The following PRR16 variants were observed in gnomAD, a reference collection of about 807,000 sequenced individuals.
PRR16 encodes proline rich 16.
Under a neutral mutation model 18.2 loss-of-function variants are expected in PRR16, and 6 were observed. That is an observed-to-expected ratio of 0.33 (90% CI 0.18 to 0.65). The LOEUF (loss-of-function observed/expected upper bound fraction) is 0.65. Ranked by LOEUF, PRR16 falls within the 30% of genes least tolerant of loss-of-function variation. The pLI is 0.74. For missense variants in PRR16, 412 were observed against 376.6 expected (o/e 1.09, Z -0.78); for synonymous variants, 151 against 147.8 (o/e 1.02, Z -0.16).
intron 1 of PRR16, among the ~76,000 whole-genome samples, chr5:120,581,485 A>T (rs1366404028): frequency 6.6e-6 from 1 of 151,874 alleles, no homozygotes; most frequent in Non-Finnish European, 1.5e-5. Context: ...GGATTCGTTG[A>T]TTTTTTGGAG....
chr5:120,722,972 A>T, the PRR16 span, among the ~76,000 whole-genome samples: 4 of 151,576 alleles, frequency 2.6e-5, no homozygotes, highest in Admixed American at 6.6e-5. Flanking sequence ...ATATATAATA[A>T]GCTATAAACT....
chr5:120,502,205 G>A lies in PRR16; in HGVS notation c.159+37560G>A, dbSNP rs1045031582. The stretch of plus-strand genomic sequence containing the variant: ...GAAGCATAGAAAATTTTAAATAAAA[G>A]AGTATACATCAGAATATCCATAACA... On this transcript the variant is annotated intron_variant, in intron 1 of 1. Transcript: ENST00000407149. Among the ~76,000 whole-genome samples, 26 of 151,014 alleles carry A rather than the reference G, an allele frequency of 1.7e-4. 1 individual carries two copies. The highest frequency in any genetic ancestry group is 2.5e-4 in the Non-Finnish European group (17 of 67,738).
intron 1 of PRR16, among the ~76,000 whole-genome samples, chr5:120,659,116 T>C (rs1756088963): frequency 1.3e-5 from 2 of 152,114 alleles, no homozygotes; most frequent in South Asian, 2.1e-4. Flanking sequence ...AAAGGGTTCA[T>C]TGGATGTACA....
chr5:120,526,409 C>A (rs750670041), intron 1 of PRR16, among the ~76,000 whole-genome samples: 6 of 152,090 alleles, frequency 3.9e-5, no homozygotes, highest in Non-Finnish European at 8.8e-5. Context: ...CATGCCATTT[C>A]TTTCTCTTTC....
intron 1 of PRR16, among the ~76,000 whole-genome samples, chr5:120,552,754 G>A (rs1449749378): frequency 6.6e-6 from 1 of 151,850 alleles, no homozygotes; most frequent in Non-Finnish European, 1.5e-5. Flanking sequence ...TTACGGTAAT[G>A]AAAATTTTGC....
chr5:120,598,072 GA>G (rs1753869345), intron 1 of PRR16, among the ~76,000 whole-genome samples: 1 of 151,822 alleles, frequency 6.6e-6, no homozygotes, highest in Non-Finnish European at 1.5e-5. Context: ...TGTCCATGAA[GA>G]TCTACCTCAT....
chr5:120,644,368 G>A (rs1472454054), intron 1 of PRR16, among the ~76,000 whole-genome samples: 1 of 152,052 alleles, frequency 6.6e-6, no homozygotes, highest in African/African-American at 2.4e-5. Context: ...AAATGCCCAA[G>A]TATGTTAAGA....
intron 1 of PRR16, among the ~76,000 whole-genome samples, chr5:120,538,946 G>T (rs890958487): frequency 6.6e-6 from 1 of 152,134 alleles, no homozygotes; most frequent in African/African-American, 2.4e-5. Flanking sequence ...GTGAAAAAAT[G>T]AGTGAAGTAA....
chr5:120,523,153 T>C (rs769972800), intron 1 of PRR16, among the ~76,000 whole-genome samples: 1 of 152,228 alleles, frequency 6.6e-6, no homozygotes, highest in Non-Finnish European at 1.5e-5. Context: ...GTTGCTATCT[T>C]ATAGAGGTGG....
At chr5:120,792,191 C>T in the PRR16 span, among the ~76,000 whole-genome samples, 26 of 152,250 alleles carry the variant, frequency 1.7e-4, no homozygotes, top group African/African-American at 5.8e-4. Context: ...CAGTGATAAG[C>T]AGCACTTTAC....
rs114263976 is a variant in PRR16, at chr5:120,641,855, T to C, written c.160-44099T>C. ...GGCATCTTTTGCATGTAGATATTTA[T>C]CTGGATGTCCTTAGGACTTCAAATC... On this transcript the variant is annotated intron_variant, in intron 1 of 1. Coordinates refer to ENST00000407149, the MANE Select transcript of PRR16 (RefSeq NM_001300783.2). 4.7e-3 allele frequency among the ~76,000 whole-genome samples: 710 copies of C among 152,226 alleles called. 6 individuals are homozygous for C. Among genetic ancestry groups the C allele is most frequent in the African/African-American group, 0.016 (665 of 41,558 alleles).
the PRR16 span, among the ~76,000 whole-genome samples, chr5:120,764,988 C>T: frequency 1.4e-5 from 2 of 146,600 alleles, no homozygotes; most frequent in Admixed American, 6.7e-5. Context: ...CTGCAAAAGA[C>T]TGAAGAGCCT....
At chr5:120,517,665 A>G (rs1751042415) in intron 1 of PRR16, among the ~76,000 whole-genome samples, 2 of 152,130 alleles carry the variant, frequency 1.3e-5, no homozygotes, top group African/African-American at 4.8e-5. Context: ...CTTTTTCGAC[A>G]GTAGAGCTCC....
intron 1 of PRR16, among the ~76,000 whole-genome samples, chr5:120,559,135 T>A (rs1752501574): frequency 6.6e-6 from 1 of 151,898 alleles, no homozygotes; most frequent in Non-Finnish European, 1.5e-5. Flanking sequence ...GTGCAGTGAT[T>A]GTTTCTTTTT....
At chr5:120,718,439 T>C in the PRR16 span, among the ~76,000 whole-genome samples, 2 of 152,170 alleles carry the variant, frequency 1.3e-5, no homozygotes, top group African/African-American at 4.8e-5. Context: ...TGACAATTGC[T>C]AAGTCATTGC....
At chr5:120,469,992 G>A (rs1749216966) in intron 1 of PRR16, among the ~76,000 whole-genome samples, 1 of 152,088 alleles carries the variant, frequency 6.6e-6, no homozygotes, top group East Asian at 1.9e-4. Flanking sequence ...AGTGTAATAG[G>A]TTTCATTATT....
At chr5:120,530,847 A>G (rs1427785011) in intron 1 of PRR16, among the ~76,000 whole-genome samples, 4 of 152,166 alleles carry the variant, frequency 2.6e-5, no homozygotes, top group Non-Finnish European at 5.9e-5. Flanking sequence ...TAAGCCAGGA[A>G]GCTTAAGACA....
chr5:120,555,515 G>C (rs1318964211), intron 1 of PRR16, among the ~76,000 whole-genome samples: 4 of 151,542 alleles, frequency 2.6e-5, no homozygotes, highest in Admixed American at 6.6e-5. Context: ...GTGGGGTGGG[G>C]TGTGTGTGTG....
chr5:120,497,426 T>C (rs997087091), intron 1 of PRR16, among the ~76,000 whole-genome samples: 1 of 132,754 alleles, frequency 7.5e-6, no homozygotes, highest in African/African-American at 3.0e-5. Flanking sequence ...AGTCTCACGC[T>C]ATCACCTGAG....
Sources: gnomAD v4.1 joint callset for allele counts (sites outside exome capture counted in the v4.1 genomes callset) on GRCh38, gnomAD v4.1.1 for gene constraint, MANE v1.5 for transcripts, NCBI Gene and HGNC (gene_info 2026-07-23, HGNC 2026-07-21) for gene names.